ANK3: variants seen among roughly 807,000 people sequenced by gnomAD.
ANK3 encodes the protein ankyrin-3.
In ANK3, 57 loss-of-function variants were observed where a neutral mutation model predicts 370.9. That is an observed-to-expected ratio of 0.15 (90% confidence interval 0.12 to 0.19). The LOEUF (loss-of-function observed/expected upper bound fraction) is 0.19. Ranked by LOEUF, ANK3 falls within the 10% of genes least tolerant of loss-of-function variation. The pLI, the probability that ANK3 is intolerant of heterozygous loss-of-function variation, is 1.00. For synonymous variants in ANK3, 1,929 were observed against 1,946.3 expected (o/e 0.99, Z 0.23); for missense variants, 4,439 against 5,302.1 (o/e 0.84, Z 5.06).
rs149618682 is a variant in ANK3, at chr10:60,279,068, A to G, written c.297T>C (p.Asn99=). The G allele has an allele frequency of 3.7e-6, 6 of 1,613,850 alleles. No homozygotes were observed. The highest frequency in any genetic ancestry group is 5.1e-6 in the Non-Finnish European group (6 of 1,179,938). Residue 99 remains asparagine, a synonymous_variant, in exon 3 of 44, where the codon AAT becomes AAC. Transcript: ENST00000280772. ...VVSELLQREA[N]VDAATKKGNT... is the part of the protein sequence containing the mutation. ...TACTGACCTTTGTAGCTGCATCCAC[A>G]TTGGCTTCTCTCTGCAGCAGCTCAG...
intron 1 of ANK3, among the ~76,000 whole-genome samples, chr10:60,322,796 G>T (rs995341149): frequency 2.0e-5 from 3 of 148,908 alleles, no homozygotes; most frequent in Non-Finnish European, 4.5e-5. Context: ...GAAAACCTAT[G>T]GGGGGGAAAA....
chr10:60,115,942 C>T (rs1478878122), intron 25 of ANK3, among the ~76,000 whole-genome samples: 1 of 152,096 alleles, frequency 6.6e-6, no homozygotes, highest in Non-Finnish European at 1.5e-5. Flanking sequence ...CAATCTGCTG[C>T]CTACTGAAAC....
At chr10:60,549,183 A>G (rs1012103976) in intron 2 of ANK3, among the ~76,000 whole-genome samples, 5 of 151,588 alleles carry the variant, frequency 3.3e-5, no homozygotes, top group African/African-American at 7.3e-5. Flanking sequence ...ACATACCATC[A>G]TGTTGACCAG....
intron 9 of ANK3, among the ~76,000 whole-genome samples, chr10:60,210,798 A>T (rs950602556): frequency 6.6e-6 from 1 of 152,188 alleles, no homozygotes; most frequent in Non-Finnish European, 1.5e-5. Context: ...GTGGTAATTC[A>T]TCCAGCTGAA....
intron 24 of ANK3, chr10:60,138,717 CA>C: frequency 1.8e-6 from 1 of 554,386 alleles, no homozygotes; most frequent in Non-Finnish European, 3.1e-6. Context: ...GTGCTGGCAG[CA>C]TGACTGCAAA....
At chr10:60,406,568 C>A (rs1463787952) in intron 2 of ANK3, among the ~76,000 whole-genome samples, 1 of 152,140 alleles carries the variant, frequency 6.6e-6, no homozygotes, top group African/African-American at 2.4e-5. Context: ...GGAGGTGAAG[C>A]ATAGGCAGTA....
intron 2 of ANK3, among the ~76,000 whole-genome samples, chr10:60,510,912 C>G (rs1158201515): frequency 2.0e-5 from 3 of 152,118 alleles, no homozygotes; most frequent in African/African-American, 7.2e-5. Context: ...CCAGCCTATG[C>G]CTCTACACTG....
At chr10:60,411,694 T>C (rs535027018) in intron 2 of ANK3, among the ~76,000 whole-genome samples, 1 of 152,262 alleles carries the variant, frequency 6.6e-6, no homozygotes, top group African/African-American at 2.4e-5. Context: ...ACTGCCTGGA[T>C]ATGAATCCCA....
intron 23 of ANK3, among the ~76,000 whole-genome samples, chr10:60,160,036 T>A (rs112537337): frequency 2.4e-4 from 36 of 151,852 alleles, no homozygotes; most frequent in African/African-American, 8.2e-4. Context: ...TAAGCCAAAC[T>A]CAAAATTTAT....
chr10:60,139,358 G>C (rs2094473508), intron 23 of ANK3: 2 of 389,126 alleles, frequency 5.1e-6, no homozygotes, highest in Non-Finnish European at 4.6e-6. Context: ...TTGCTTCCCT[G>C]TAAGCCTCAG....
At chr10:60,209,109 T>G (rs541216727) in intron 9 of ANK3, among the ~76,000 whole-genome samples, 2 of 152,208 alleles carry the variant, frequency 1.3e-5, no homozygotes, top group Non-Finnish European at 2.9e-5. Context: ...TATGAAGATG[T>G]CAGTCCTTTC....
intron 8 of ANK3, among the ~76,000 whole-genome samples, chr10:60,233,544 G>A (rs1468374155): frequency 6.6e-6 from 1 of 152,108 alleles, no homozygotes; most frequent in Non-Finnish European, 1.5e-5. Flanking sequence ...CGATCCTCCT[G>A]CCTCAGCCTG....
At chr10:60,288,890 A>ACAC (rs2040654064) in intron 1 of ANK3, among the ~76,000 whole-genome samples, 1 of 17,984 alleles carries the variant, frequency 5.6e-5, no homozygotes, top group African/African-American at 1.5e-4. Flanking sequence ...GGTAGGAATA[A>ACAC]CACACACACA....
chr10:60,492,191 T>A (rs1450126130), intron 2 of ANK3, among the ~76,000 whole-genome samples: 1 of 152,204 alleles, frequency 6.6e-6, no homozygotes, highest in African/African-American at 2.4e-5. Context: ...GGACATGTTG[T>A]GATGTTCACA....
intron 1 of ANK3, among the ~76,000 whole-genome samples, chr10:60,670,720 C>T (rs1212312867): frequency 1.3e-5 from 2 of 152,116 alleles, no homozygotes; most frequent in Non-Finnish European, 2.9e-5. Flanking sequence ...AGCAGGGACA[C>T]GATATTTAGT....
chr10:60,224,712 G>A (rs2097110897), intron 8 of ANK3, among the ~76,000 whole-genome samples: 1 of 151,888 alleles, frequency 6.6e-6, no homozygotes, highest in Admixed American at 6.6e-5. Flanking sequence ...GAAAGAAAAG[G>A]AATTCAAGCA....
At chr10:60,471,699 C>T (rs1426834044) in intron 2 of ANK3, among the ~76,000 whole-genome samples, 1 of 152,010 alleles carries the variant, frequency 6.6e-6, no homozygotes, top group Admixed American at 6.6e-5. Context: ...TTAAAACCCC[C>T]ATCATTATTA....
intron 41 of ANK3, among the ~76,000 whole-genome samples, chr10:60,056,611 T>C (rs1401455963): frequency 6.6e-6 from 1 of 152,204 alleles, no homozygotes; most frequent in African/African-American, 2.4e-5. Flanking sequence ...GTTCTACAGC[T>C]ACTTGAATTC....
At chr10:60,394,025 G>C (rs2063165387), upstream of ANK3, among the ~76,000 whole-genome samples, 3 of 151,472 alleles carry the variant, frequency 2.0e-5, no homozygotes, top group Admixed American at 6.6e-5. Context: ...TGTGTGTTTT[G>C]ATGAAATGAG....
Sources: allele counts gnomAD v4.1 joint callset (sites outside exome capture counted in the v4.1 genomes callset), GRCh38; gene constraint gnomAD v4.1.1; transcripts MANE v1.5; gene names NCBI Gene and HGNC (gene_info 2026-07-23, HGNC 2026-07-21).